STRAP: variants seen among roughly 807,000 people sequenced by gnomAD.
The protein encoded by STRAP is serine-threonine kinase receptor-associated protein.
In STRAP, 16 loss-of-function variants were observed where a neutral mutation model predicts 47.0. The observed-to-expected ratio is 0.34, with a 90% CI of 0.23 to 0.52. STRAP has a LOEUF of 0.52. STRAP is among the 20% of genes least tolerant of loss of function. STRAP has a pLI of 0.96. For synonymous variants in STRAP, 130 were observed against 142.7 expected (o/e 0.91, Z 0.63); for missense variants, 293 against 420.0 (o/e 0.70, Z 2.64).
In STRAP at chr12:15,882,662, C is replaced by T; in HGVS notation, c.-46C>T. 6.6e-7 allele frequency: 1 copy of T among 1,524,968 alleles called. No homozygotes were observed. 94.5% of individuals were successfully genotyped at this position (1,524,968 alleles called of 1,614,324 possible). On this transcript the variant is annotated 5_prime_UTR_variant, in exon 1 of 10. In the 5' UTR this introduces an upstream ATG that the reference lacks. Transcript: ENST00000419869. ...CTGCAGCAGAAGAGAGAAAAGACAA[C>T]GACGACCCTCAGCTCGCCAGTCCGG...
chr12:15,883,027 T>C (rs373033888), intron 1 of STRAP: 22 of 1,527,398 alleles, frequency 1.4e-5, no homozygotes, highest in Middle Eastern at 3.3e-4. Context: ...TTGTAGAAAC[T>C]ATTACCTCCA....
intron 2 of STRAP, among the ~76,000 whole-genome samples, chr12:15,888,443 G>T (rs1379973606): frequency 6.6e-6 from 1 of 152,156 alleles, no homozygotes; most frequent in Non-Finnish European, 1.5e-5. Flanking sequence ...AGGGAGTTTA[G>T]CAGCAAGGCT....
Position 15,890,465 on chromosome 12 carries a change from G to T in STRAP, c.331-132G>T. ...GCTGTTCCACAGTATCTTCTCAGAA[G>T]TAATTGGTTATGTCTTGGCATCTCT... On this transcript the variant is annotated intron_variant, in intron 3 of 9. Coordinates refer to ENST00000419869, the MANE Select transcript of STRAP (RefSeq NM_007178.4). This position sits in a 1 kb window ranked among gnomAD's most constrained non-coding sequence, Gnocchi z 4.5. The T allele has an allele frequency of 1.3e-6, 1 of 744,634 alleles. No individual in the cohort carries two copies. The highest frequency in any genetic ancestry group is 1.6e-5 in the South Asian group (1 of 61,242). 46.1% of individuals were successfully genotyped at this position (744,634 alleles called of 1,614,324 possible). A position where few individuals can be genotyped will look rare whatever the true frequency, so the allele number is the denominator to read the frequency against.
intron 7 of STRAP, among the ~76,000 whole-genome samples, chr12:15,899,592 C>A (rs1244401437): frequency 6.6e-6 from 1 of 152,158 alleles, no homozygotes; most frequent in Non-Finnish European, 1.5e-5. Flanking sequence ...TTTAAATCTA[C>A]TTTCTATAGA....
chr12:15,890,051 G>T lies in STRAP; in HGVS notation c.330+42G>T, dbSNP rs989028184. 2.6e-6 allele frequency: 4 copies of T among 1,535,464 alleles called. No individual in the cohort carries two copies. In the African/African-American group the frequency reaches 4.1e-5, roughly 16 times the overall value. On this transcript the variant is annotated intron_variant, in intron 3 of 9. Coordinates refer to ENST00000419869, the MANE Select transcript of STRAP (RefSeq NM_007178.4). This position sits in a 1 kb window ranked among gnomAD's most constrained non-coding sequence, Gnocchi z 4.5. ...TTTATTTTAGCGAGTTAAGTTGCTG[G>T]TACATAGTGTGATAATGCTTTTATA...
intron 1 of STRAP, 30 bp downstream of exon 1, chr12:15,882,849 C>T (rs1374013385): frequency 6.3e-7 from 1 of 1,591,224 alleles, no homozygotes; most frequent in Non-Finnish European, 8.6e-7. Context: ...TGGTCCTCGA[C>T]GGCTGGGACT....
chr12:15,895,430 A>G lies in STRAP; in HGVS notation c.572A>G (p.Tyr191Cys). 1 of 1,608,144 alleles carries G rather than the reference A, an allele frequency of 6.2e-7. No homozygotes were observed. The highest frequency in any genetic ancestry group is 8.5e-7 in the Non-Finnish European group (1 of 1,178,440). ...NFNMSVSSME[Y>C]IPEGEILVIT... ...AATATGTCTGTTAGTAGTATGGAAT[A>G]TATTCCTGAGGGAGAGATTTTGGTT... The change falls in exon 6 of 10, where the codon TAT (tyrosine) becomes TGT (cysteine). Residue 191 changes from tyrosine to cysteine, a missense_variant. Physicochemically the swap from Tyr to Cys is radical, Grantham distance 194 (BLOSUM62 -2). This residue lies in a region of STRAP where 152 missense variants were observed against 183.0 expected (regional missense o/e 0.83). Transcript: ENST00000419869.
intron 2 of STRAP, among the ~76,000 whole-genome samples, 188 bp downstream of exon 2, chr12:15,883,864 T>C (rs927986825): frequency 6.6e-6 from 1 of 152,214 alleles, no homozygotes; most frequent in Non-Finnish European, 1.5e-5. Flanking sequence ...CTTCAGTGGT[T>C]CTCAAAATTT....
At chr12:15,884,111 A>C (rs1390717322) in intron 2 of STRAP, among the ~76,000 whole-genome samples, 1 of 152,212 alleles carries the variant, frequency 6.6e-6, no homozygotes, top group Admixed American at 6.5e-5. Context: ...AAAACAACAA[A>C]AAAACAAAAC....
intron 2 of STRAP, among the ~76,000 whole-genome samples, chr12:15,884,358 A>G (rs1486732577): frequency 6.6e-6 from 1 of 152,122 alleles, no homozygotes; most frequent in Non-Finnish European, 1.5e-5. Context: ...TCCTAAAAAC[A>G]TACTTGATCA....
rs1181865941 is a variant in STRAP, at chr12:15,894,021, T to A, written c.404-26T>A. On this transcript the variant is annotated intron_variant, in intron 4 of 9. Coordinates refer to ENST00000419869, the MANE Select transcript of STRAP (RefSeq NM_007178.4). This position sits in a 1 kb window ranked among gnomAD's most constrained non-coding sequence, Gnocchi z 4.9. ...GTTTAAAAAATCATATATTAACAAA[T>A]GTACTTTAAATTGTTTTATCTCAAG... 2.0e-6 allele frequency: 3 copies of A among 1,490,972 alleles called. No individual in the cohort carries two copies. The highest frequency in any genetic ancestry group is 2.8e-6 in the Non-Finnish European group (3 of 1,073,880). The allele number at this position is 1,490,972 out of a possible 1,614,324, so 92.4% of individuals were successfully genotyped here. A position where few individuals can be genotyped will look rare whatever the true frequency, so the allele number is the denominator to read the frequency against.
At position 15,887,434 on chromosome 12, in the gene STRAP, A is replaced by C. The variant is rs1202284653; in HGVS notation, c.249-2494A>C. ...AATAGCGCTTTACTGTCTTGATTTG[A>C]GCCCTGTGGCCAACTAATATATGTC... On this transcript the variant is annotated intron_variant, in intron 2 of 9. Coordinates refer to ENST00000419869, the MANE Select transcript of STRAP (RefSeq NM_007178.4). This position sits in a 1 kb window ranked among gnomAD's most constrained non-coding sequence, Gnocchi z 5.5. 6.6e-6 allele frequency among the ~76,000 whole-genome samples: 1 copy of C among 152,216 alleles called. No homozygotes were observed. Among genetic ancestry groups the C allele is most frequent in the Non-Finnish European group, 1.5e-5 (1 of 68,034 alleles).
intron 7 of STRAP, 94 bp downstream of exon 7, chr12:15,898,112 T>A (rs1204500779): frequency 8.6e-7 from 1 of 1,159,518 alleles, no homozygotes; most frequent in African/African-American, 1.7e-5. Flanking sequence ...ATGTTACATA[T>A]ATATGTTGAA....
chr12:15,895,968 A>G (rs541539793), intron 6 of STRAP, among the ~76,000 whole-genome samples: 3 of 152,034 alleles, frequency 2.0e-5, no homozygotes, highest in East Asian at 3.9e-4. Flanking sequence ...CACGTCTGTA[A>G]TCCTAGCACC....
chr12:15,901,235 C>T (rs150183479), intron 9 of STRAP, among the ~76,000 whole-genome samples: 32 of 152,024 alleles, frequency 2.1e-4, no homozygotes, highest in African/African-American at 6.5e-4. Context: ...TGGACACAAC[C>T]GATGTGGTTA....
At position 15,882,458 on chromosome 12, in the gene STRAP, A is replaced by C; in HGVS notation, c.-250A>C. ...CTGGCCCGGTTCTCCGCTTCTCCCC[A>C]TCCCCTACTTTCCTCCCTCCCTCCC... On this transcript the variant is annotated 5_prime_UTR_variant, in exon 1 of 10. Transcript: ENST00000419869. The C allele has an allele frequency of 6.7e-5, 32 of 480,154 alleles. No individual in the cohort carries two copies. The highest frequency in any genetic ancestry group is 5.5e-4 in the Middle Eastern group (1 of 1,816). The allele number at this position is 480,154 out of a possible 1,614,324, so 29.7% of individuals were successfully genotyped here.
In STRAP at chr12:15,903,350, T is replaced by C; in HGVS notation, c.*372T>C. 6.2e-6 allele frequency: 1 copy of C among 160,450 alleles called. No individual in the cohort carries two copies. Among genetic ancestry groups the C allele is most frequent in the South Asian group, 2.0e-4 (1 of 4,922 alleles). 9.9% of individuals were successfully genotyped at this position (160,450 alleles called of 1,614,324 possible). A position where few individuals can be genotyped will look rare whatever the true frequency, so the allele number is the denominator to read the frequency against. On this transcript the variant is annotated 3_prime_UTR_variant, in exon 10 of 10. Transcript: ENST00000419869. The stretch of plus-strand genomic sequence containing the variant: ...ATCTTAAAGCAGAATGCCTTTTCTT[T>C]TTTTGCTTCAGTTGTAAAGAAGAGG...
At chr12:15,900,841 A>T (rs1442383208) in intron 8 of STRAP, 106 bp from the exon 9 acceptor site, 4 of 744,354 alleles carry the variant, frequency 5.4e-6, no homozygotes, top group African/African-American at 3.6e-5. Flanking sequence ...TATATTTTGT[A>T]GCCATTTTCC....
chr12:15,882,727 C>A lies in STRAP; in HGVS notation c.20C>A (p.Pro7Gln), dbSNP rs557894238. The A allele has an allele frequency of 6.2e-7, 1 of 1,612,264 alleles. No homozygotes were observed. The highest frequency in any genetic ancestry group is 1.3e-5 in the African/African-American group (1 of 75,058). Reference sequence around the variant, plus strand: ...GCCGCCATGGCAATGAGACAGACGCCGCTCACCTGCTCTGGCCACACGCGA... The same window carrying A: ...GCCGCCATGGCAATGAGACAGACGCAGCTCACCTGCTCTGGCCACACGCGA... The part of the protein sequence containing the change: MAMRQT[P>Q]LTCSGHTRPV... Residue 7 changes from proline (P) to glutamine (Q), a missense_variant, in exon 1 of 10, where the codon CCG becomes CAG. This residue lies in a region of STRAP where 31 missense variants were observed against 39.2 expected (regional missense o/e 0.79). Transcript: ENST00000419869.
Sources: gnomAD v4.1 joint callset for allele counts (sites outside exome capture counted in the v4.1 genomes callset) on GRCh38, gnomAD v4.1.1 for gene constraint, gnomAD v4.1.1 regional missense constraint, Gnocchi (gnomAD v3.1) non-coding constraint, MANE v1.5 for transcripts, NCBI Gene and HGNC (gene_info 2026-07-23, HGNC 2026-07-21) for gene names.